Variants in SH3RF3 observed in about 807,000 individuals in gnomAD.
The protein encoded by SH3RF3 is SH3 domain containing ring finger 3.
A neutral mutation model predicts 66.3 loss-of-function variants in SH3RF3; 29 were observed. The observed-to-expected ratio is 0.44, with a 90% CI of 0.33 to 0.60. The LOEUF is 0.60. Among genes scored for constraint, SH3RF3 ranks in the 20% least tolerant of loss-of-function variants. The pLI is 0.04. For missense variants in SH3RF3, 1,194 were observed against 1,190.9 expected, an observed-to-expected ratio of 1.00 and a Z score of -0.04; for synonymous variants, 583 against 532.0, an observed-to-expected ratio of 1.10 and a Z score of -1.32.
intron 1 of SH3RF3, among the ~76,000 whole-genome samples, chr2:109,199,991 T>C (rs1021811935): frequency 1.3e-4 from 20 of 152,032 alleles, no homozygotes; most frequent in Non-Finnish European, 7.4e-5. Context: ...TTGTCACAGC[T>C]AAGGTGGGGT....
intron 4 of SH3RF3, among the ~76,000 whole-genome samples, chr2:109,416,145 G>A (rs994480933): frequency 6.6e-6 from 1 of 152,144 alleles, no homozygotes; most frequent in African/African-American, 2.4e-5. Flanking sequence ...CCAGTTTTAG[G>A]TATTCTGTCG....
chr2:109,183,113 T>A lies in SH3RF3; in HGVS notation c.573+53000T>A, dbSNP rs372467799. 2.0e-5 allele frequency among the ~76,000 whole-genome samples: 3 copies of A among 152,350 alleles called. No homozygotes were observed. The East Asian group carries it at 5.8e-4, about 29-fold the overall frequency. The stretch of plus-strand genomic sequence containing the variant: ...AAAATTAACTTTTTAAAAGAAATCT[T>A]TAGAAGATTGTGTACAAAACTGTCC... On this transcript the variant is annotated intron_variant, in intron 1 of 9. Coordinates refer to ENST00000309415, the MANE Select transcript of SH3RF3 (RefSeq NM_001099289.3).
chr2:109,179,852 T>G (rs1678033154), intron 1 of SH3RF3, among the ~76,000 whole-genome samples: 1 of 152,214 alleles, frequency 6.6e-6, no homozygotes, highest in African/African-American at 2.4e-5. Context: ...TAAACCACGC[T>G]GTCTCTTACC....
chr2:109,455,552 TATATA>T (rs2104661171), intron 8 of SH3RF3, among the ~76,000 whole-genome samples: 1 of 152,332 alleles, frequency 6.6e-6, no homozygotes, highest in African/African-American at 2.4e-5. Flanking sequence ...CTCATGATAT[TATATA>T]GGAGTGTGAT....
At chr2:109,337,520 G>A (rs1453285198) in intron 1 of SH3RF3, among the ~76,000 whole-genome samples, 2 of 152,172 alleles carry the variant, frequency 1.3e-5, no homozygotes, top group Admixed American at 1.3e-4. Context: ...AGGCACCCCC[G>A]GTCACAGGAT....
chr2:109,179,291 T>C (rs1237104116), intron 1 of SH3RF3, among the ~76,000 whole-genome samples: 1 of 152,134 alleles, frequency 6.6e-6, no homozygotes, highest in Non-Finnish European at 1.5e-5. Flanking sequence ...TAAGAGGATA[T>C]ATAAAGAAAG....
chr2:109,250,090 CT>C (rs61141462), intron 1 of SH3RF3, among the ~76,000 whole-genome samples: 5,769 of 134,838 alleles, frequency 0.043, 310 homozygotes, highest in African/African-American at 0.14. Flanking sequence ...GTAGGTGTTC[CT>C]TTTTTTTTTT....
rs575199270 is a variant in SH3RF3 at position 109,468,433 on chromosome 2, A to G, written c.2148+18944A>G. ...TATAAGACCCCCATTGTGATCTGTC[A>G]TTGACCAAAACGTCCTTATGTAACA... On this transcript the variant is annotated intron_variant, in intron 8 of 9. Coordinates refer to ENST00000309415, the MANE Select transcript of SH3RF3 (RefSeq NM_001099289.3). Among the ~76,000 whole-genome samples, 3 of 152,364 alleles carry G rather than the reference A, an allele frequency of 2.0e-5. No individual in the cohort carries two copies. The South Asian group carries it at 6.2e-4, about 32-fold the overall frequency.
intron 4 of SH3RF3, among the ~76,000 whole-genome samples, chr2:109,399,319 T>C (rs1405470336): frequency 6.6e-6 from 1 of 152,208 alleles, no homozygotes; most frequent in Non-Finnish European, 1.5e-5. Flanking sequence ...ATCTCTGCAA[T>C]GTTTGCTAAT....
At chr2:109,430,029 A>G (rs1422301849) in intron 5 of SH3RF3, among the ~76,000 whole-genome samples, 2 of 152,210 alleles carry the variant, frequency 1.3e-5, no homozygotes, top group Non-Finnish European at 2.9e-5. Flanking sequence ...CTACCAGCCC[A>G]GGAGCAGGAG....
intron 1 of SH3RF3, among the ~76,000 whole-genome samples, chr2:109,156,501 A>G (rs1003109745): frequency 2.0e-5 from 3 of 151,436 alleles, no homozygotes; most frequent in African/African-American, 7.3e-5. Flanking sequence ...GCTGGAGTGC[A>G]GTGGTGCAAT....
At chr2:109,493,767 G>T (rs1389250816) in intron 9 of SH3RF3, among the ~76,000 whole-genome samples, 2 of 151,368 alleles carry the variant, frequency 1.3e-5, no homozygotes, top group Admixed American at 6.6e-5. Flanking sequence ...CACCAAACAT[G>T]CACTGCACAC....
intron 1 of SH3RF3, among the ~76,000 whole-genome samples, chr2:109,134,004 A>T (rs755863729): frequency 1.3e-5 from 2 of 152,158 alleles, no homozygotes; most frequent in Non-Finnish European, 2.9e-5. Flanking sequence ...GAGGGTGTCT[A>T]TGGTATCTGG....
chr2:109,183,784 T>C (rs1678123728), intron 1 of SH3RF3, among the ~76,000 whole-genome samples: 1 of 152,114 alleles, frequency 6.6e-6, no homozygotes, highest in South Asian at 2.1e-4. Flanking sequence ...ACTCTTTACA[T>C]ATAAGGAGGT....
At chr2:109,475,605 A>G (rs1678662453) in intron 8 of SH3RF3, among the ~76,000 whole-genome samples, 2 of 152,346 alleles carry the variant, frequency 1.3e-5, no homozygotes, top group South Asian at 2.1e-4. Context: ...CCTTGGCACT[A>G]TCAGAGCCAG....
At chr2:109,492,783 C>T (rs1355501315) in intron 9 of SH3RF3, among the ~76,000 whole-genome samples, 1 of 152,088 alleles carries the variant, frequency 6.6e-6, no homozygotes, top group Non-Finnish European at 1.5e-5. Flanking sequence ...GCAGCACCCC[C>T]AGTCCTGTGT....
At chr2:109,452,772 TCCCAGGAGGCTGGTC>T (rs1368561500) in intron 8 of SH3RF3, among the ~76,000 whole-genome samples, 1 of 150,418 alleles carries the variant, frequency 6.6e-6, no homozygotes, top group African/African-American at 2.5e-5. Flanking sequence ...GGCAGGCTGG[TCCCAGGAGGCTGGTC>T]CCTGGGAGGC....
chr2:109,496,431 C>T (rs1679263138), intron 9 of SH3RF3, among the ~76,000 whole-genome samples: 1 of 152,212 alleles, frequency 6.6e-6, no homozygotes, highest in Admixed American at 6.5e-5. Flanking sequence ...AAGAAAAGTT[C>T]TCCAAGTCCC....
chr2:109,306,949 G>C (rs1681612028), intron 1 of SH3RF3, among the ~76,000 whole-genome samples: 1 of 152,206 alleles, frequency 6.6e-6, no homozygotes, highest in African/African-American at 2.4e-5. Context: ...TGCTATGGAG[G>C]TGTTTTTGCT....
Sources: allele counts gnomAD v4.1 joint callset (sites outside exome capture counted in the v4.1 genomes callset), GRCh38; gene constraint gnomAD v4.1.1; transcripts MANE v1.5; gene names NCBI Gene and HGNC (gene_info 2026-07-23, HGNC 2026-07-21).